The following ADCK5 variants were observed in gnomAD, a reference collection of about 807,000 sequenced individuals.
ADCK5 encodes the protein uncharacterized aarF domain-containing protein kinase 5.
Under a neutral mutation model 64.9 loss-of-function variants are expected in ADCK5, and 43 were observed. The ratio of observed to expected loss-of-function variants is 0.66; its 90% CI spans 0.52 to 0.85. ADCK5 has a LOEUF of 0.85. Among genes scored for constraint, ADCK5 ranks in the 40% least tolerant of loss-of-function variants. ADCK5 has a pLI of 0.00. For missense variants in ADCK5, 760 were observed against 810.5 expected (o/e 0.94, Z 0.76); for synonymous variants, 434 against 342.8 (o/e 1.27, Z -2.94).
At position 144,393,157 on chromosome 8, in the gene ADCK5, C is replaced by G. The variant is rs530081948; in HGVS notation, c.*83C>G. 1 of 1,393,100 alleles carries G rather than the reference C, an allele frequency of 7.2e-7. No homozygotes were observed. 86.3% of individuals were successfully genotyped at this position (1,393,100 alleles called of 1,614,324 possible). ...GGGCTAGAGGTGTAGACACCCCGAG[C>G]CCCGTGGGCACTCGCACTGGGGGGC... On this transcript the variant is annotated 3_prime_UTR_variant, in exon 15 of 15. Transcript: ENST00000308860.
rs782029764 is a variant in ADCK5 at position 144,379,514 on chromosome 8, C to CGCCTCTCACCCAGGCAGGCATGG, written c.116+25_116+47dup. ...AGGTAACGAGTCCTCCACGGGCATG[C>CGCCTCTCACCCAGGCAGGCATGG]GCCTCTCACCCAGGCAGGCATGGAT... On this transcript the variant is annotated intron_variant, in intron 2 of 14. Transcript: ENST00000308860. 1.8e-5 allele frequency: 27 copies of CGCCTCTCACCCAGGCAGGCATGG among 1,541,956 alleles called. 2 individuals are homozygous for CGCCTCTCACCCAGGCAGGCATGG. The South Asian group carries it at 3.2e-4, about 18-fold the overall frequency.
rs544591089 is a variant in ADCK5, at chr8:144,384,624, A to G, written c.266+1394A>G. Among the ~76,000 whole-genome samples, 1 of 152,214 alleles carries G rather than the reference A, an allele frequency of 6.6e-6. No individual in the cohort carries two copies. Among genetic ancestry groups the G allele is most frequent in the East Asian group, 1.9e-4 (1 of 5,176 alleles). On this transcript the variant is annotated intron_variant, in intron 3 of 14. Transcript: ENST00000308860. This position sits in a 1 kb window ranked among gnomAD's most constrained non-coding sequence, Gnocchi z 5.7. Reference sequence around the variant, plus strand: ...TTCTCGTGACCCTCCGCTGCAGTGCATGCAAGGGCCACACAGGGCTGCCAG... The same window carrying G: ...TTCTCGTGACCCTCCGCTGCAGTGCGTGCAAGGGCCACACAGGGCTGCCAG...
intron 1 of ADCK5, among the ~76,000 whole-genome samples, chr8:144,374,748 C>G (rs949319440): frequency 1.3e-5 from 2 of 152,164 alleles, no homozygotes; most frequent in African/African-American, 4.8e-5. Flanking sequence ...GGGCTGCAGG[C>G]CGGGCTCTGC....
chr8:144,373,793 A>G (rs536902419), upstream of ADCK5: 85 of 347,506 alleles, frequency 2.4e-4, no homozygotes, highest in African/African-American at 1.4e-3. Context: ...TGCTTCTCAC[A>G]GCGGTCCTTC....
At chr8:144,379,218 C>A (rs1216770913) in intron 1 of ADCK5, among the ~76,000 whole-genome samples, 169 bp from the exon 2 acceptor site, 5 of 152,098 alleles carry the variant, frequency 3.3e-5, no homozygotes, top group Non-Finnish European at 7.4e-5. Context: ...AAGGTGTGAG[C>A]CCCTGTGCCC....
chr8:144,383,915 CAG>C (rs1819792117), intron 3 of ADCK5, among the ~76,000 whole-genome samples: 5 of 103,174 alleles, frequency 4.8e-5, no homozygotes, highest in Non-Finnish European at 7.2e-5. Flanking sequence ...TTTTTTGAGA[CAG>C]AGTCTCGCTC....
At position 144,383,109 on chromosome 8, in the gene ADCK5, A is replaced by C. The variant is rs1819752088; in HGVS notation, c.145A>C (p.Lys49Gln). 1 of 1,588,414 alleles carries C rather than the reference A, an allele frequency of 6.3e-7. No homozygotes were observed. The highest frequency in any genetic ancestry group is 1.8e-5 in the Admixed American group (1 of 55,966). Reference sequence around the variant, plus strand: ...CTCCAGCCCCACACCCCTGTGGAGGAAGGTGCTCTCCACCGCGGTAGTGGG... The same window carrying C: ...CTCCAGCCCCACACCCCTGTGGAGGCAGGTGCTCTCCACCGCGGTAGTGGG... The part of the protein sequence containing the change: ...RFSSPTPLWR[K>Q]VLSTAVVGAP... The change falls in exon 3 of 15, where the codon AAG (lysine) becomes CAG (glutamine). Residue 49 changes from lysine (K) to glutamine (Q), a missense_variant. This residue lies in a region of ADCK5 where 427 missense variants were observed against 518.4 expected (regional missense o/e 0.82). Coordinates refer to ENST00000308860, the MANE Select transcript of ADCK5 (RefSeq NM_174922.5).
chr8:144,373,917 G>T (rs1040506357), upstream of ADCK5: 2 of 677,606 alleles, frequency 3.0e-6, no homozygotes, highest in Non-Finnish European at 4.1e-6. Context: ...GCCGCCAGGG[G>T]ACGCTGCCCC....
chr8:144,387,895 G>A (rs1819993229), intron 3 of ADCK5, among the ~76,000 whole-genome samples: 1 of 151,506 alleles, frequency 6.6e-6, no homozygotes. Context: ...ACCACACCCA[G>A]CTAATTTTGT....
In ADCK5 at chr8:144,392,821, T is replaced by C. The variant is rs1365824291; in HGVS notation, c.1566T>C (p.Gly522=). Residue 522 remains glycine (G), a synonymous_variant, in exon 14 of 15, where the codon GGT becomes GGC. Coordinates refer to ENST00000308860, the MANE Select transcript of ADCK5 (RefSeq NM_174922.5). ...GCCTGGCGGGCGCCACGTATCGGGG[T>C]GTCTACGGCACCAGCCTCCTGCGCC... ...WSRLAGATYR[G]VYGTSLLRHA... is the part of the protein sequence containing the mutation. 3 of 1,590,216 alleles carry C rather than the reference T, an allele frequency of 1.9e-6. No homozygotes were observed. The Admixed American group carries it at 5.2e-5, about 28-fold the overall frequency.
chr8:144,386,193 G>A (rs1586587550), intron 3 of ADCK5, among the ~76,000 whole-genome samples: 1 of 151,380 alleles, frequency 6.6e-6, no homozygotes, highest in Non-Finnish European at 1.5e-5. Context: ...TATATTTTTA[G>A]TAGAGATGGG....
At chr8:144,392,923 G>C in intron 14 of ADCK5, 31 bp downstream of exon 14, 1 of 1,591,586 alleles carries the variant, frequency 6.3e-7, no homozygotes, top group Admixed American at 1.7e-5. Context: ...TGGGTGGCGG[G>C]GGCCTGCTCC....
At chr8:144,389,188 G>A (rs782063120) in intron 3 of ADCK5, 8 of 446,246 alleles carry the variant, frequency 1.8e-5, no homozygotes, top group Non-Finnish European at 3.6e-5. Flanking sequence ...ATCTCCCCCA[G>A]GAGCCCAGTA....
Position 144,391,588 on chromosome 8 carries a change from G to A in ADCK5, c.807G>A (p.Lys269=). The A allele has an allele frequency of 6.3e-7, 1 of 1,578,250 alleles. No individual in the cohort carries two copies. The highest frequency in any genetic ancestry group is 1.1e-5 in the South Asian group (1 of 87,582). Reference sequence around the variant, plus strand: ...CGCCATCTGGCCCCCAGGACCTGAAGGGGACCCTGGCCCAGGAGCTGGACT... The same window carrying A: ...CGCCATCTGGCCCCCAGGACCTGAAAGGGACCCTGGCCCAGGAGCTGGACT... ...FGFSWVLQDL[K]GTLAQELDFE... The change falls in exon 8 of 15, where the codon AAG becomes AAA. Residue 269 remains lysine, a synonymous_variant. Transcript: ENST00000308860.
intron 3 of ADCK5, among the ~76,000 whole-genome samples, chr8:144,388,794 G>A (rs1224913911): frequency 6.6e-6 from 1 of 152,024 alleles, no homozygotes; most frequent in Non-Finnish European, 1.5e-5. Context: ...CGAAACCCTG[G>A]CCTAACCCAA....
At chr8:144,390,540 G>A (rs1199830063) in intron 3 of ADCK5, 131 bp from the exon 4 acceptor site, 3 of 969,712 alleles carry the variant, frequency 3.1e-6, no homozygotes, top group Non-Finnish European at 4.7e-6. Flanking sequence ...GCTGGACCCT[G>A]GCTTGGCCTC....
At chr8:144,379,253 T>C in intron 1 of ADCK5, 134 bp from the exon 2 acceptor site, 2 of 567,310 alleles carry the variant, frequency 3.5e-6, no homozygotes, top group East Asian at 6.5e-5. Flanking sequence ...TTTAGAGCAG[T>C]GTGAGAATGG....
chr8:144,392,717 G>C lies in ADCK5; in HGVS notation c.1520+20G>C, dbSNP rs374687088. ...TAAAAGGTCGGTGGCCCGAGGAGGC[G>C]CCCGGGCCGTGGTGGGGCTGGTGTG... On this transcript the variant is annotated intron_variant, in intron 13 of 14. Transcript: ENST00000308860. 6.3e-7 allele frequency: 1 copy of C among 1,589,524 alleles called. No individual in the cohort carries two copies. The highest frequency in any genetic ancestry group is 1.1e-5 in the South Asian group (1 of 90,048).
chr8:144,379,603 C>T, intron 2 of ADCK5, 113 bp downstream of exon 2: 2 of 852,632 alleles, frequency 2.3e-6, no homozygotes, highest in Non-Finnish European at 3.5e-6. Context: ...CCTGTACCCA[C>T]AACCAAGGCA....
Sources: gnomAD v4.1 joint callset for allele counts (sites outside exome capture counted in the v4.1 genomes callset) on GRCh38, gnomAD v4.1.1 for gene constraint, gnomAD v4.1.1 regional missense constraint, Gnocchi (gnomAD v3.1) non-coding constraint, MANE v1.5 for transcripts, NCBI Gene and HGNC (gene_info 2026-07-23, HGNC 2026-07-21) for gene names.